The following CADPS2 variants were observed in gnomAD, a reference collection of about 807,000 sequenced individuals.
The protein encoded by CADPS2 is calcium-dependent secretion activator 2.
In CADPS2, 93 loss-of-function variants were observed where a neutral mutation model predicts 172.5. The observed-to-expected ratio is 0.54, with a 90% CI of 0.46 to 0.64. CADPS2 has a LOEUF of 0.64. Ranked by LOEUF, CADPS2 falls within the 30% of genes least tolerant of loss-of-function variation. The probability of loss-of-function intolerance (pLI) is 0.00; values close to 1 mark genes in which losing one functional copy is unlikely to be tolerated. For missense variants in CADPS2, 1,420 were observed against 1,565.9 expected (o/e 0.91, Z 1.57); for synonymous variants, 546 against 555.2 (o/e 0.98, Z 0.23).
intron 2 of CADPS2, among the ~76,000 whole-genome samples, chr7:122,719,927 C>G (rs557010265): frequency 6.6e-6 from 1 of 152,052 alleles, no homozygotes; most frequent in African/African-American, 2.4e-5. Flanking sequence ...ATAGAAAATA[C>G]AAGCTCATAT....
At position 122,631,320 on chromosome 7, in the gene CADPS2, A is replaced by C. The variant is rs1189830949; in HGVS notation, c.787-1992T>G. Among the ~76,000 whole-genome samples the C allele has an allele frequency of 2.0e-5, 3 of 152,224 alleles. No homozygotes were observed. The East Asian group carries it at 5.8e-4, about 29-fold the overall frequency. ...GCCACAGTTTTTCAAACTTCACTAG[A>C]AACACTAACATATTTTTGTATCTAT... is the stretch of plus-strand genomic sequence containing the variant. On this transcript the variant is annotated intron_variant, in intron 3 of 29. Coordinates refer to ENST00000449022, the MANE Select transcript of CADPS2 (RefSeq NM_017954.11).
At chr7:122,323,042 C>T (rs905299870) in intron 29 of CADPS2, among the ~76,000 whole-genome samples, 1 of 152,124 alleles carries the variant, frequency 6.6e-6, no homozygotes, top group African/African-American at 2.4e-5. Context: ...CTTAAATTCA[C>T]TGGGAAATGA....
At chr7:122,698,057 A>G (rs754018798) in intron 2 of CADPS2, 1 of 1,614,016 alleles carries the variant, frequency 6.2e-7, no homozygotes, top group Non-Finnish European at 8.5e-7. Flanking sequence ...CCATGGGGTA[A>G]AATCCAGGGG....
chr7:122,772,210 C>T (rs545511395), intron 1 of CADPS2, among the ~76,000 whole-genome samples: 2 of 152,244 alleles, frequency 1.3e-5, no homozygotes, highest in East Asian at 3.9e-4. Flanking sequence ...GGTGATTACA[C>T]TAAATATTTG....
intron 1 of CADPS2, among the ~76,000 whole-genome samples, chr7:122,749,748 T>A (rs551087637): frequency 6.6e-6 from 1 of 152,240 alleles, no homozygotes; most frequent in South Asian, 2.1e-4. Context: ...ACATCATTGT[T>A]AACAAATTTA....
chr7:122,445,687 TGCCTGTGGTCCCA>T (rs1445127651), intron 15 of CADPS2, among the ~76,000 whole-genome samples: 1 of 152,120 alleles, frequency 6.6e-6, no homozygotes, highest in African/African-American at 2.4e-5. Context: ...TGGTGGCATG[TGCCTGTGGTCCCA>T]GCTACTTGGG....
intron 2 of CADPS2, among the ~76,000 whole-genome samples, chr7:122,673,800 G>A (rs1024084445): frequency 2.0e-5 from 3 of 152,180 alleles, no homozygotes; most frequent in Admixed American, 6.5e-5. Context: ...CACCAGTCCC[G>A]CACCGTGCAC....
chr7:122,359,460 T>C (rs948603778), intron 27 of CADPS2, among the ~76,000 whole-genome samples: 1 of 152,094 alleles, frequency 6.6e-6, no homozygotes, highest in Non-Finnish European at 1.5e-5. Context: ...TGAAATTCTA[T>C]GGAGAGAATA....
intron 3 of CADPS2, among the ~76,000 whole-genome samples, chr7:122,660,135 G>A (rs2080355524): frequency 6.6e-6 from 1 of 152,040 alleles, no homozygotes; most frequent in Non-Finnish European, 1.5e-5. Flanking sequence ...TTTTAATTGA[G>A]CTAAAAGATA....
chr7:122,475,687 G>C (rs982102262), intron 12 of CADPS2, among the ~76,000 whole-genome samples: 1 of 152,104 alleles, frequency 6.6e-6, no homozygotes, highest in Non-Finnish European at 1.5e-5. Flanking sequence ...CATATTTGTA[G>C]ATGGAAGAAC....
At chr7:122,660,608 A>AG (rs2080418800) in intron 3 of CADPS2, among the ~76,000 whole-genome samples, 1 of 148,080 alleles carries the variant, frequency 6.8e-6, no homozygotes, top group Admixed American at 6.7e-5. Flanking sequence ...TCTGGATTTA[A>AG]AAAAAAAAAA....
intron 1 of CADPS2, among the ~76,000 whole-genome samples, chr7:122,750,810 G>C (rs546097619): frequency 6.6e-6 from 1 of 152,214 alleles, no homozygotes; most frequent in East Asian, 1.9e-4. Context: ...GAAAAGAGTG[G>C]CCTGGAAAGC....
chr7:122,811,566 G>A (rs1172673523), intron 1 of CADPS2, among the ~76,000 whole-genome samples: 1 of 151,992 alleles, frequency 6.6e-6, no homozygotes, highest in African/African-American at 2.4e-5. Context: ...CTAAGATTAA[G>A]ATAATATACC....
intron 2 of CADPS2, among the ~76,000 whole-genome samples, chr7:122,733,700 C>A (rs979962473): frequency 2.0e-5 from 3 of 151,970 alleles, no homozygotes; most frequent in Admixed American, 2.0e-4. Context: ...TCAGAGCTCA[C>A]CTACCTTGTC....
intron 2 of CADPS2, among the ~76,000 whole-genome samples, chr7:122,667,710 A>G (rs1307144187): frequency 6.6e-6 from 1 of 152,206 alleles, no homozygotes; most frequent in African/African-American, 2.4e-5. Context: ...GGGCCAGAGT[A>G]AGAGAGGAGA....
intron 2 of CADPS2, among the ~76,000 whole-genome samples, chr7:122,680,944 C>T (rs1002515310): frequency 6.6e-6 from 1 of 151,532 alleles, no homozygotes; most frequent in African/African-American, 2.4e-5. Flanking sequence ...GAATACTATG[C>T]AGCCATACAA....
intron 28 of CADPS2, among the ~76,000 whole-genome samples, chr7:122,328,205 A>G (rs1050787918): frequency 6.1e-4 from 93 of 151,968 alleles, no homozygotes; most frequent in Admixed American, 3.9e-3. Context: ...CCAGACAGAA[A>G]CCTCTAGCAC....
intron 6 of CADPS2, among the ~76,000 whole-genome samples, chr7:122,606,920 G>C (rs559666806): frequency 6.6e-6 from 1 of 152,206 alleles, no homozygotes; most frequent in South Asian, 2.1e-4. Flanking sequence ...TTTGGCGAGG[G>C]AATGTTGTGA....
In CADPS2 at chr7:122,320,049, T is replaced by C; in HGVS notation, c.*116A>G. The C allele has an allele frequency of 3.8e-6, 4 of 1,066,586 alleles. No individual in the cohort carries two copies. Among genetic ancestry groups the C allele is most frequent in the Non-Finnish European group, 5.0e-6 (4 of 802,308 alleles). The allele number at this position is 1,066,586 out of a possible 1,614,324, so 66.1% of individuals were successfully genotyped here. ...CATTCAGGCTTACTTTTTAAAGAAATACAAGCATTTTTATTTGGCCAAAAC... is the reference window on the plus strand; with the variant it reads ...CATTCAGGCTTACTTTTTAAAGAAACACAAGCATTTTTATTTGGCCAAAAC... On this transcript the variant is annotated 3_prime_UTR_variant, in exon 30 of 30. Transcript: ENST00000449022.
Sources: gnomAD v4.1 joint callset for allele counts (sites outside exome capture counted in the v4.1 genomes callset) on GRCh38, gnomAD v4.1.1 for gene constraint, MANE v1.5 for transcripts, NCBI Gene and HGNC (gene_info 2026-07-23, HGNC 2026-07-21) for gene names.